The following CDH6 variants were observed in gnomAD, a reference collection of about 807,000 sequenced individuals.
CDH6 encodes cadherin-6.
CDH6 carries 31 observed loss-of-function variants against 78.0 expected under a neutral mutation model. That is an observed-to-expected ratio of 0.40 (90% CI 0.30 to 0.54). The LOEUF (loss-of-function observed/expected upper bound fraction) is 0.54. CDH6 is among the 20% of genes least tolerant of loss of function. CDH6 has a pLI of 0.56. For synonymous variants in CDH6, 376 were observed against 368.8 expected (o/e 1.02, Z -0.23); for missense variants, 724 against 975.9 (o/e 0.74, Z 3.44).
At chr5:31,199,313 G>C (rs1480628360) in intron 1 of CDH6, among the ~76,000 whole-genome samples, 3 of 150,228 alleles carry the variant, frequency 2.0e-5, no homozygotes, top group African/African-American at 4.9e-5. Flanking sequence ...AGAAGGAAAA[G>C]AGTTGATAAT....
intron 5 of CDH6, 46 bp from the exon 6 acceptor site, chr5:31,302,065 G>A (rs2149951485): frequency 7.6e-7 from 1 of 1,314,780 alleles, no homozygotes; most frequent in Non-Finnish European, 1.1e-6. Context: ...GATGATAAGA[G>A]TGTGGTTAGT....
intron 1 of CDH6, among the ~76,000 whole-genome samples, chr5:31,230,167 G>GT (rs1289629866): frequency 2.6e-5 from 4 of 152,160 alleles, no homozygotes; most frequent in Non-Finnish European, 5.9e-5. Flanking sequence ...CAGTTAAGAA[G>GT]TTGAGGGCCT....
At chr5:31,286,089 CTT>C (rs1743005743) in intron 2 of CDH6, among the ~76,000 whole-genome samples, 1 of 152,160 alleles carries the variant, frequency 6.6e-6, no homozygotes, top group South Asian at 2.1e-4. Context: ...TCATTGATAT[CTT>C]ATCCAATTTA....
intron 1 of CDH6, among the ~76,000 whole-genome samples, chr5:31,212,259 C>G (rs1218746835): frequency 3.3e-5 from 5 of 152,176 alleles, no homozygotes; most frequent in Non-Finnish European, 7.3e-5. Context: ...GATGTTTCTG[C>G]TGCTGCTATT....
intron 1 of CDH6, among the ~76,000 whole-genome samples, chr5:31,244,614 A>C (rs1187918041): frequency 6.6e-6 from 1 of 152,020 alleles, no homozygotes; most frequent in Non-Finnish European, 1.5e-5. Context: ...TGGGATCAGC[A>C]AGAGTTTATC....
intron 2 of CDH6, among the ~76,000 whole-genome samples, chr5:31,275,166 A>G (rs917364178): frequency 6.6e-6 from 1 of 152,220 alleles, no homozygotes; most frequent in African/African-American, 2.4e-5. Flanking sequence ...CCTAGTTTAC[A>G]TTTCTTTCAA....
In CDH6 at chr5:31,297,286, C is replaced by T; in HGVS notation, c.524-3C>T. 6.2e-7 allele frequency: 1 copy of T among 1,610,064 alleles called. No homozygotes were observed. The highest frequency in any genetic ancestry group is 8.5e-7 in the Non-Finnish European group (1 of 1,176,654). On this transcript the variant is annotated splice_region_variant and splice_polypyrimidine_tract_variant and intron_variant, in intron 3 of 11. Transcript: ENST00000265071. The stretch of plus-strand genomic sequence containing the variant: ...TTTTCAGTTTATATTTCTGTCATTA[C>T]AGGTACATTTGTTGTCCAAGTCACT...
At position 31,313,368 on chromosome 5, in the gene CDH6, C is replaced by T. The variant is rs371463771; in HGVS notation, c.1304C>T (p.Ser435Phe). The T allele has an allele frequency of 6.2e-7, 1 of 1,613,668 alleles. No homozygotes were observed. Among genetic ancestry groups the T allele is most frequent in the African/African-American group, 1.3e-5 (1 of 75,038 alleles). Residue 435 changes from serine (S) to phenylalanine (F), a missense_variant, in exon 8 of 12, where the codon TCT becomes TTT. Coordinates refer to ENST00000265071, the MANE Select transcript of CDH6 (RefSeq NM_004932.4). ...ATGGACAGAATATTCAACATTGATT[C>T]TGGAAATGGTTCGATTTTTACATCG... ...TDMDRIFNID[S>F]GNGSIFTSKL...
chr5:31,308,739 C>A (rs1024749415), intron 7 of CDH6, among the ~76,000 whole-genome samples: 14 of 152,030 alleles, frequency 9.2e-5, no homozygotes, highest in African/African-American at 3.1e-4. Context: ...CTGCCTTCAA[C>A]TAAAAATTCT....
chr5:31,239,172 T>C (rs1032402904), intron 1 of CDH6, among the ~76,000 whole-genome samples: 7 of 152,186 alleles, frequency 4.6e-5, no homozygotes, highest in Non-Finnish European at 8.8e-5. Context: ...GGAAAAATAG[T>C]AGGAGAATCA....
intron 1 of CDH6, among the ~76,000 whole-genome samples, chr5:31,208,455 C>G (rs1372677550): frequency 6.6e-6 from 1 of 152,188 alleles, no homozygotes; most frequent in Non-Finnish European, 1.5e-5. Flanking sequence ...CAACAGGTAC[C>G]TTTGGCCAAA....
chr5:31,218,970 A>C (rs1441631545), intron 1 of CDH6, among the ~76,000 whole-genome samples: 1 of 152,186 alleles, frequency 6.6e-6, no homozygotes, highest in Non-Finnish European at 1.5e-5. Flanking sequence ...TGGCTGAACC[A>C]AGGTGCCCAG....
rs1272810607 is a variant in CDH6 at position 31,326,016 on chromosome 5, G to A, written c.*2708G>A. On this transcript the variant is annotated 3_prime_UTR_variant, in exon 12 of 12. Transcript: ENST00000265071. ...TATCAGGTCAAACATCATTGCATGC[G>A]CAGGTTTTTTTTTTAATTGCTAGGT... 2 of 231,480 alleles carry A rather than the reference G, an allele frequency of 8.6e-6. No homozygotes were observed. The highest frequency in any genetic ancestry group is 5.6e-5 in the Admixed American group (1 of 17,718). The allele number at this position is 231,480 out of a possible 1,614,324, so 14.3% of individuals were successfully genotyped here. A position where few individuals can be genotyped will look rare whatever the true frequency, so the allele number is the denominator to read the frequency against.
At chr5:31,282,289 G>A (rs4624800) in intron 2 of CDH6, among the ~76,000 whole-genome samples, 45,598 of 151,978 alleles carry the variant, frequency 0.3, 7,367 homozygotes, top group Admixed American at 0.37. Context: ...TCCATTTCCC[G>A]TCTTTTCCAG....
At chr5:31,282,803 T>C (rs1172928617) in intron 2 of CDH6, among the ~76,000 whole-genome samples, 1 of 152,226 alleles carries the variant, frequency 6.6e-6, no homozygotes, top group East Asian at 1.9e-4. Flanking sequence ...AAACTTCTTT[T>C]GCTTTTAGCA....
At chr5:31,194,650 T>C (rs1740112677) in intron 1 of CDH6, among the ~76,000 whole-genome samples, 2 of 152,114 alleles carry the variant, frequency 1.3e-5, no homozygotes, top group Non-Finnish European at 2.9e-5. Flanking sequence ...CTCGTGCTCC[T>C]CCACGGCTGG....
chr5:31,200,943 T>C (rs1740335356), intron 1 of CDH6, among the ~76,000 whole-genome samples: 1 of 152,152 alleles, frequency 6.6e-6, no homozygotes, highest in Non-Finnish European at 1.5e-5. Context: ...TATCTAATAC[T>C]CTTCATTTAA....
intron 1 of CDH6, among the ~76,000 whole-genome samples, chr5:31,266,045 G>A (rs1360850246): frequency 2.0e-5 from 3 of 151,934 alleles, no homozygotes; most frequent in African/African-American, 7.3e-5. Context: ...CAAATTTGCT[G>A]GGATTACAGG....
At chr5:31,218,893 A>G (rs1190382117) in intron 1 of CDH6, among the ~76,000 whole-genome samples, 3 of 152,168 alleles carry the variant, frequency 2.0e-5, no homozygotes, top group Non-Finnish European at 4.4e-5. Context: ...GCTCTTTCCT[A>G]GCACACTCTG....
Sources: allele counts gnomAD v4.1 joint callset (sites outside exome capture counted in the v4.1 genomes callset), GRCh38; gene constraint gnomAD v4.1.1; transcripts MANE v1.5; gene names NCBI Gene and HGNC (gene_info 2026-07-23, HGNC 2026-07-21).